NRXN1: variants seen among roughly 807,000 people sequenced by gnomAD.
NRXN1 encodes neurexin-1.
In NRXN1, 39 loss-of-function variants were observed where a neutral mutation model predicts 150.9. The ratio of observed to expected loss-of-function variants is 0.26; its 90% confidence interval spans 0.20 to 0.34. The LOEUF is 0.34. Among genes scored for constraint, NRXN1 ranks in the 10% least tolerant of loss-of-function variants. The pLI, the probability that NRXN1 is intolerant of heterozygous loss-of-function variation, is 1.00. For missense variants in NRXN1, 1,815 were observed against 1,949.9 expected, an observed-to-expected ratio of 0.93 and a Z score of 1.30; for synonymous variants, 924 against 757.0, an observed-to-expected ratio of 1.22 and a Z score of -3.62.
At chr2:50,375,527 C>A (rs957567012) in intron 17 of NRXN1, among the ~76,000 whole-genome samples, 1 of 59,128 alleles carries the variant, frequency 1.7e-5, no homozygotes, top group African/African-American at 1.1e-4. Flanking sequence ...TTTTATACTA[C>A]CTCTTTAGGT....
At chr2:50,259,158 C>A (rs2068005260) in intron 17 of NRXN1, among the ~76,000 whole-genome samples, 1 of 151,932 alleles carries the variant, frequency 6.6e-6, no homozygotes, top group African/African-American at 2.4e-5. Context: ...GACTTTTCTC[C>A]TTTTCAGCTG....
At chr2:50,422,395 C>T (rs2084070651) in intron 17 of NRXN1, among the ~76,000 whole-genome samples, 1 of 152,016 alleles carries the variant, frequency 6.6e-6, no homozygotes, top group Non-Finnish European at 1.5e-5. Flanking sequence ...CAGAGAAAGA[C>T]AACCATGAAA....
chr2:50,273,401 A>G (rs1192866869), intron 17 of NRXN1, among the ~76,000 whole-genome samples: 3 of 152,128 alleles, frequency 2.0e-5, no homozygotes, highest in African/African-American at 7.2e-5. Context: ...TTATTTGTCT[A>G]TGTCTTAACC....
At chr2:50,729,552 C>T (rs966090480) in intron 5 of NRXN1, among the ~76,000 whole-genome samples, 2 of 152,180 alleles carry the variant, frequency 1.3e-5, no homozygotes, top group Non-Finnish European at 2.9e-5. Flanking sequence ...TACGCATGGT[C>T]TTCTGAGGGT....
At chr2:50,523,511 G>C (rs982840287) in intron 12 of NRXN1, among the ~76,000 whole-genome samples, 5 of 152,168 alleles carry the variant, frequency 3.3e-5, no homozygotes, top group African/African-American at 1.2e-4. Flanking sequence ...TTTTTAAGTA[G>C]CTTCTCAAAT....
chr2:50,084,620 G>A (rs1268401006), intron 19 of NRXN1, among the ~76,000 whole-genome samples: 2 of 152,254 alleles, frequency 1.3e-5, no homozygotes, highest in African/African-American at 4.8e-5. Context: ...TGAGGGAACC[G>A]GCTCTGGCCT....
chr2:50,375,380 C>A (rs2080406655), intron 17 of NRXN1, among the ~76,000 whole-genome samples: 1 of 150,094 alleles, frequency 6.7e-6, no homozygotes, highest in African/African-American at 2.5e-5. Context: ...TAATAACTAG[C>A]TATTATTTTC....
chr2:50,037,945 G>A (rs574778342), intron 21 of NRXN1, among the ~76,000 whole-genome samples: 5 of 152,042 alleles, frequency 3.3e-5, no homozygotes, highest in South Asian at 4.2e-4. Context: ...GATTAATTGC[G>A]GCCATAGAAA....
At chr2:49,950,327 T>C (rs1209932103) in intron 21 of NRXN1, among the ~76,000 whole-genome samples, 2 of 151,920 alleles carry the variant, frequency 1.3e-5, no homozygotes, top group Admixed American at 6.6e-5. Flanking sequence ...GTTGCCTCAA[T>C]TGACATAAAG....
intron 12 of NRXN1, 132 bp from the exon 13 acceptor site, chr2:50,506,749 G>T: frequency 1.1e-6 from 1 of 896,528 alleles, no homozygotes; most frequent in Non-Finnish European, 1.6e-6. Flanking sequence ...AAGGAAGAAA[G>T]AGAGAGAGGA....
intron 18 of NRXN1, among the ~76,000 whole-genome samples, chr2:50,192,876 A>G (rs1482720681): frequency 6.6e-6 from 1 of 152,194 alleles, no homozygotes; most frequent in African/African-American, 2.4e-5. Flanking sequence ...GGCTGGGATT[A>G]GAGGTGCTGG....
intron 5 of NRXN1, among the ~76,000 whole-genome samples, chr2:50,718,405 A>G (rs1401923164): frequency 6.6e-6 from 1 of 152,172 alleles, no homozygotes; most frequent in Non-Finnish European, 1.5e-5. Flanking sequence ...CAGAGTAAAG[A>G]AAGATGAAGC....
chr2:50,694,826 C>T (rs542500488), intron 5 of NRXN1, among the ~76,000 whole-genome samples: 1 of 152,240 alleles, frequency 6.6e-6, no homozygotes, highest in Non-Finnish European at 1.5e-5. Flanking sequence ...AAAATAAAGG[C>T]TTTATTCTAC....
At chr2:50,088,970 T>C (rs1699183695) in intron 19 of NRXN1, among the ~76,000 whole-genome samples, 1 of 152,182 alleles carries the variant, frequency 6.6e-6, no homozygotes, top group African/African-American at 2.4e-5. Flanking sequence ...GCAATGATGT[T>C]TGGCTAATAT....
In NRXN1 at chr2:50,577,103, T is replaced by C. The variant is rs1671549523; in HGVS notation, c.1321-24078A>G. Among the ~76,000 whole-genome samples the C allele has an allele frequency of 1.3e-5, 2 of 152,088 alleles. 1 individual carries two copies. Among genetic ancestry groups the C allele is most frequent in the Middle Eastern group, 6.3e-3 (2 of 316 alleles). Reference sequence around the variant, plus strand: ...TCTGAACCATTATTACGTTTTCAAATCTCAGCATTTTTTCACCTAAAGATG... The same window carrying C: ...TCTGAACCATTATTACGTTTTCAAACCTCAGCATTTTTTCACCTAAAGATG... On this transcript the variant is annotated intron_variant, in intron 8 of 22. Transcript: ENST00000401669.
intron 2 of NRXN1, among the ~76,000 whole-genome samples, chr2:50,983,500 G>C (rs981237189): frequency 6.6e-6 from 1 of 151,982 alleles, no homozygotes; most frequent in African/African-American, 2.4e-5. Context: ...TACTATAAAA[G>C]AACATGGCTA....
At chr2:50,921,383 T>A (rs1410364920) in intron 5 of NRXN1, among the ~76,000 whole-genome samples, 3 of 151,816 alleles carry the variant, frequency 2.0e-5, no homozygotes, top group African/African-American at 7.3e-5. Flanking sequence ...ACTGCCTTTT[T>A]AGGTTACTAC....
At chr2:50,395,341 G>A (rs2081989355) in intron 17 of NRXN1, among the ~76,000 whole-genome samples, 1 of 151,558 alleles carries the variant, frequency 6.6e-6, no homozygotes, top group African/African-American at 2.4e-5. Flanking sequence ...AAAATGTGCT[G>A]TTTAGGAACC....
chr2:50,587,740 T>C (rs1325719659), intron 8 of NRXN1, among the ~76,000 whole-genome samples: 3 of 152,084 alleles, frequency 2.0e-5, no homozygotes, highest in Non-Finnish European at 4.4e-5. Flanking sequence ...ATTAATTAAA[T>C]GATAAGATAG....
Sources: allele counts gnomAD v4.1 joint callset (sites outside exome capture counted in the v4.1 genomes callset), GRCh38; gene constraint gnomAD v4.1.1; transcripts MANE v1.5; gene names NCBI Gene and HGNC (gene_info 2026-07-23, HGNC 2026-07-21).